Variants in KCNN3 observed in about 807,000 individuals in gnomAD.
KCNN3 encodes potassium calcium-activated channel subfamily N member 3.
In KCNN3, 16 loss-of-function variants were observed where a neutral mutation model predicts 62.9. The observed-to-expected ratio is 0.25, with a 90% CI of 0.17 to 0.39. The LOEUF (loss-of-function observed/expected upper bound fraction) is 0.39, where lower values mean the gene tolerates loss of function less well. KCNN3 is among the 10% of genes least tolerant of loss of function. The pLI is 1.00. For synonymous variants in KCNN3, 370 were observed against 389.2 expected, an observed-to-expected ratio of 0.95 and a Z score of 0.58; for missense variants, 599 against 949.4, an observed-to-expected ratio of 0.63 and a Z score of 4.85.
intron 3 of KCNN3, among the ~76,000 whole-genome samples, chr1:154,758,031 G>A (rs781007139): frequency 6.6e-5 from 10 of 152,154 alleles, no homozygotes; most frequent in African/African-American, 1.2e-4. Context: ...TGGCTTAACC[G>A]CCAGCCTATG....
In KCNN3 at chr1:154,733,063, A is replaced by G. The variant is rs746589982; in HGVS notation, c.1530T>C (p.Tyr510=). The G allele has an allele frequency of 6.2e-7, 1 of 1,614,186 alleles. No homozygotes were observed. The highest frequency in any genetic ancestry group is 1.1e-5 in the South Asian group (1 of 91,080). ...LISITFLSIG[Y]GDMVPHTYCG... is the part of the protein sequence containing the mutation. Reference sequence around the variant, plus strand: ...AGTATGTGTGGGGCACCATGTCCCCATAACCAATGGAAAGGAATGTGATGG... The same window carrying G: ...AGTATGTGTGGGGCACCATGTCCCCGTAACCAATGGAAAGGAATGTGATGG... The change falls in exon 4 of 8, where the codon TAT becomes TAC. Residue 510 remains tyrosine, a synonymous_variant. Transcript: ENST00000271915.
intron 4 of KCNN3, among the ~76,000 whole-genome samples, chr1:154,730,210 G>A (rs748350399): frequency 1.3e-5 from 2 of 152,220 alleles, no homozygotes; most frequent in African/African-American, 2.4e-5. Flanking sequence ...GCTTTTGTGG[G>A]TGAAATCTCT....
chr1:154,700,555 C>T lies in KCNN3; in HGVS notation c.*7421G>A, dbSNP rs192152631. The T allele has an allele frequency of 1.3e-5, 2 of 152,410 alleles. No homozygotes were observed. The highest frequency in any genetic ancestry group is 1.9e-4 in the East Asian group (1 of 5,184). 9.4% of individuals were successfully genotyped at this position (152,410 alleles called of 1,614,324 possible). ...ACTTACTGGGCCAGGCACAGTGGCT[C>T]ACTTTGGGAGGCCCAGGCAGGTGGA... On this transcript the variant is annotated 3_prime_UTR_variant, in exon 8 of 8. Transcript: ENST00000271915.
intron 2 of KCNN3, among the ~76,000 whole-genome samples, chr1:154,801,356 G>C (rs1649947147): frequency 6.6e-6 from 1 of 152,066 alleles, no homozygotes; most frequent in African/African-American, 2.4e-5. Context: ...CAATCATTAG[G>C]GGAAAATCTC....
chr1:154,776,825 C>CCCAGGA lies in KCNN3; in HGVS notation c.1030-4433_1030-4432insTCCTGG, dbSNP rs1374615437. Reference sequence around the variant, plus strand: ...GAGGGCTTGTTCAAAAATACCCATGCCCAGGCCCAGGCCCACCCCAGGCCA... The same window carrying CCCAGGA: ...GAGGGCTTGTTCAAAAATACCCATGCCCAGGACCAGGCCCAGGCCCACCCCAGGCCA... On this transcript the variant is annotated intron_variant, in intron 2 of 7. Transcript: ENST00000271915. Among the ~76,000 whole-genome samples the CCCAGGA allele has an allele frequency of 1.1e-4, 17 of 152,192 alleles. 1 individual carries two copies. The highest frequency in any genetic ancestry group is 4.1e-4 in the African/African-American group (17 of 41,438).
chr1:154,833,338 C>A (rs1651449523), intron 1 of KCNN3, among the ~76,000 whole-genome samples: 1 of 152,212 alleles, frequency 6.6e-6, no homozygotes, highest in African/African-American at 2.4e-5. Flanking sequence ...CGCCTGCAGG[C>A]TCCACAGACA....
chr1:154,758,636 G>A (rs1647850229), intron 3 of KCNN3, among the ~76,000 whole-genome samples: 1 of 152,108 alleles, frequency 6.6e-6, no homozygotes, highest in Non-Finnish European at 1.5e-5. Flanking sequence ...TCTGTGCAGT[G>A]GGGGGCAAGC....
intron 3 of KCNN3, among the ~76,000 whole-genome samples, chr1:154,757,805 T>C (rs187866021): frequency 6.6e-6 from 1 of 152,274 alleles, no homozygotes; most frequent in African/African-American, 2.4e-5. Context: ...TGGAGACCAC[T>C]GGGTTGGAGC....
intron 3 of KCNN3, among the ~76,000 whole-genome samples, chr1:154,751,161 C>T (rs1189946088): frequency 6.6e-6 from 1 of 152,234 alleles, no homozygotes; most frequent in Non-Finnish European, 1.5e-5. Flanking sequence ...AGCTCAGACC[C>T]GCCCAACTCG....
chr1:154,755,784 GA>G (rs1431706771), intron 3 of KCNN3, among the ~76,000 whole-genome samples: 6 of 108,270 alleles, frequency 5.5e-5, no homozygotes, highest in South Asian at 2.9e-4. Flanking sequence ...AGGAGAGAGA[GA>G]GGGGAGGAGG....
intron 3 of KCNN3, among the ~76,000 whole-genome samples, chr1:154,748,156 G>A (rs1321671790): frequency 6.6e-6 from 1 of 152,140 alleles, no homozygotes; most frequent in African/African-American, 2.4e-5. Context: ...TTTAAACCTG[G>A]TCTCATCTCA....
rs114102885 is a variant in KCNN3 at position 154,804,277 on chromosome 1, T to G, written c.1029+17812A>C. On this transcript the variant is annotated intron_variant, in intron 2 of 7. Transcript: ENST00000271915. ...AACACAATTGGCTCGAATTCACAAC[T>G]CATGAAATGAGTCTAAGGGGCTTAA... Among the ~76,000 whole-genome samples, 838 of 152,354 alleles carry G rather than the reference T, an allele frequency of 5.5e-3. 5 individuals are homozygous for G. The highest frequency in any genetic ancestry group is 0.019 in the African/African-American group (800 of 41,574).
chr1:154,714,048 CGG>C (rs1317651260), intron 6 of KCNN3, among the ~76,000 whole-genome samples: 1 of 1,478 alleles, frequency 6.8e-4, no homozygotes, highest in African/African-American at 2.8e-3. Context: ...GTGGTGTGTG[CGG>C]GGTGTGTGTG....
At position 154,725,884 on chromosome 1, in the gene KCNN3, C is replaced by A. The variant is rs769522199; in HGVS notation, c.1701+32G>T. On this transcript the variant is annotated intron_variant, in intron 5 of 7. Coordinates refer to ENST00000271915, the MANE Select transcript of KCNN3 (RefSeq NM_002249.6). ...ATTGGCTTCCACTGTGGCCTTAAGT[C>A]CCCCATAAGACATGGCTGTGTGGCA... 1.7e-5 allele frequency: 27 copies of A among 1,544,538 alleles called. No homozygotes were observed. In the South Asian group the frequency reaches 2.9e-4, roughly 17 times the overall value.
At chr1:154,798,986 G>C (rs1649847199) in intron 2 of KCNN3, among the ~76,000 whole-genome samples, 1 of 147,118 alleles carries the variant, frequency 6.8e-6, no homozygotes, top group Non-Finnish European at 1.5e-5. Context: ...GCACAATCTT[G>C]GCTCACTGCA....
At chr1:154,765,252 A>AT (rs1571252976) in intron 3 of KCNN3, among the ~76,000 whole-genome samples, 1 of 151,498 alleles carries the variant, frequency 6.6e-6, no homozygotes, top group East Asian at 1.9e-4. Context: ...AATTCTGAAA[A>AT]TGTTTACTGT....
intron 2 of KCNN3, among the ~76,000 whole-genome samples, chr1:154,801,206 C>T (rs1262707492): frequency 2.0e-5 from 3 of 152,146 alleles, no homozygotes; most frequent in Non-Finnish European, 4.4e-5. Context: ...CTTCTTTTCT[C>T]ACTGTCCCCA....
chr1:154,734,257 T>C (rs1700662468), intron 3 of KCNN3, among the ~76,000 whole-genome samples: 1 of 152,230 alleles, frequency 6.6e-6, no homozygotes, highest in Non-Finnish European at 1.5e-5. Context: ...CAATAGACTC[T>C]GTATTTTATA....
rs770321089 is a variant in KCNN3 at position 154,869,999 on chromosome 1, C to T, written c.-35G>A. The T allele has an allele frequency of 3.7e-6, 6 of 1,601,780 alleles. No individual in the cohort carries two copies. The highest frequency in any genetic ancestry group is 5.1e-6 in the Non-Finnish European group (6 of 1,173,432). On this transcript the variant is annotated 5_prime_UTR_variant, in exon 1 of 8. Transcript: ENST00000271915. This position sits in a 1 kb window ranked among gnomAD's most constrained non-coding sequence, Gnocchi z 6.1. The stretch of plus-strand genomic sequence containing the variant: ...TGGCTGTATTCCCTGCAGCACAAGC[C>T]CCCACCCCAAAGCCACCCTCGCTCC...
Sources: allele counts gnomAD v4.1 joint callset (sites outside exome capture counted in the v4.1 genomes callset), GRCh38; gene constraint gnomAD v4.1.1; non-coding constraint Gnocchi (gnomAD v3.1); transcripts MANE v1.5; gene names NCBI Gene and HGNC (gene_info 2026-07-23, HGNC 2026-07-21).